The following PXDNL variants were observed in gnomAD, a reference collection of about 807,000 sequenced individuals.
PXDNL encodes the protein probable oxidoreductase PXDNL.
Under a neutral mutation model 150.8 loss-of-function variants are expected in PXDNL, and 145 were observed. The ratio of observed to expected loss-of-function variants is 0.96; its 90% CI spans 0.84 to 1.10. PXDNL has a LOEUF of 1.10. Ranked by LOEUF, PXDNL falls within the 50% of genes least tolerant of loss-of-function variation. The pLI, the probability that PXDNL is intolerant of heterozygous loss-of-function variation, is 0.00. For missense variants in PXDNL, 2,087 were observed against 1,873.9 expected, an observed-to-expected ratio of 1.11 and a Z score of -2.10; for synonymous variants, 757 against 725.7, an observed-to-expected ratio of 1.04 and a Z score of -0.69.
intron 1 of PXDNL, among the ~76,000 whole-genome samples, chr8:51,659,914 G>A (rs1360797468): frequency 6.6e-6 from 1 of 150,738 alleles, no homozygotes; most frequent in East Asian, 1.9e-4. Context: ...TTTTGAGAAG[G>A]AGTCTTGCTC....
chr8:51,730,386 A>G (rs1242158865), intron 1 of PXDNL, among the ~76,000 whole-genome samples: 1 of 152,222 alleles, frequency 6.6e-6, no homozygotes, highest in Non-Finnish European at 1.5e-5. Context: ...TCATTCTATG[A>G]ATATATCATT....
rs146570771 is a variant in PXDNL at position 51,402,568 on chromosome 8, T to C, written c.3557+5499A>G. Among the ~76,000 whole-genome samples the C allele has an allele frequency of 9.2e-3, 1,394 of 152,248 alleles. 20 individuals carry two copies. The highest frequency in any genetic ancestry group is 0.032 in the African/African-American group (1,323 of 41,530). On this transcript the variant is annotated intron_variant, in intron 17 of 22. Transcript: ENST00000356297. ...AGGCAGTTACACATCCCTGTGATTATGAGTGACAAATAAACTTATACTTAC... is the reference window on the plus strand; with the variant it reads ...AGGCAGTTACACATCCCTGTGATTACGAGTGACAAATAAACTTATACTTAC...
intron 5 of PXDNL, among the ~76,000 whole-genome samples, chr8:51,492,852 G>A (rs902018476): frequency 1.3e-5 from 2 of 152,162 alleles, no homozygotes; most frequent in Middle Eastern, 3.2e-3. Context: ...CTCCACCTCT[G>A]GGGGCAGGGC....
At chr8:51,650,101 CA>C (rs11451376) in intron 2 of PXDNL, among the ~76,000 whole-genome samples, 65 of 113,324 alleles carry the variant, frequency 5.7e-4, no homozygotes, top group Middle Eastern at 4.6e-3. Flanking sequence ...GACTTTGTCT[CA>C]AAAAAAAAAA....
chr8:51,489,202 A>C (rs183449395), intron 5 of PXDNL, among the ~76,000 whole-genome samples: 57 of 152,372 alleles, frequency 3.7e-4, no homozygotes, highest in Non-Finnish European at 1.9e-4. Flanking sequence ...ATAGTCAAAT[A>C]AATAATTAAA....
chr8:51,689,888 A>G (rs1450259337), intron 1 of PXDNL, among the ~76,000 whole-genome samples: 1 of 152,248 alleles, frequency 6.6e-6, no homozygotes, highest in Non-Finnish European at 1.5e-5. Flanking sequence ...AGCCTTCGGC[A>G]CAGGTTCACT....
chr8:51,808,498 T>C (rs566038412), intron 1 of PXDNL, among the ~76,000 whole-genome samples: 1 of 152,332 alleles, frequency 6.6e-6, no homozygotes, highest in Admixed American at 6.5e-5. Context: ...TTGGGTTTAT[T>C]ATCTGAATAT....
At chr8:51,539,427 GT>G (rs1201586320) in intron 4 of PXDNL, among the ~76,000 whole-genome samples, 4 of 151,980 alleles carry the variant, frequency 2.6e-5, no homozygotes, top group Non-Finnish European at 1.5e-5. Flanking sequence ...TATGTTGAAG[GT>G]TTTTCTTATG....
chr8:51,758,647 G>A (rs1372978103), intron 1 of PXDNL, among the ~76,000 whole-genome samples: 1 of 152,138 alleles, frequency 6.6e-6, no homozygotes, highest in East Asian at 1.9e-4. Flanking sequence ...ATAAACGTTT[G>A]GTAGTTCCTC....
At chr8:51,526,734 G>A (rs1035936484) in intron 4 of PXDNL, among the ~76,000 whole-genome samples, 1 of 152,192 alleles carries the variant, frequency 6.6e-6, no homozygotes, top group African/African-American at 2.4e-5. Flanking sequence ...TAAAGATGCT[G>A]TTGCTAATAA....
chr8:51,644,368 GTA>G (rs1271016805), intron 2 of PXDNL, among the ~76,000 whole-genome samples: 1 of 49,828 alleles, frequency 2.0e-5, no homozygotes, highest in Non-Finnish European at 4.7e-5. Context: ...ACACACATAT[GTA>G]TATATATACA....
At chr8:51,508,056 A>T (rs1228020722) in intron 4 of PXDNL, among the ~76,000 whole-genome samples, 1 of 152,194 alleles carries the variant, frequency 6.6e-6, no homozygotes, top group Non-Finnish European at 1.5e-5. Context: ...AAGGGGAAAG[A>T]ATTAATAGAA....
intron 1 of PXDNL, chr8:51,721,617 A>C: frequency 2.9e-6 from 1 of 350,388 alleles, no homozygotes; most frequent in Non-Finnish European, 5.5e-6. Flanking sequence ...CATGTACCCT[A>C]AAACTTAAAG....
intron 21 of PXDNL, among the ~76,000 whole-genome samples, chr8:51,335,642 G>A (rs1805810500): frequency 6.6e-6 from 1 of 150,582 alleles, no homozygotes; most frequent in Non-Finnish European, 1.5e-5. Context: ...AATTAAAAGT[G>A]TAAATTCTTA....
intron 1 of PXDNL, among the ~76,000 whole-genome samples, chr8:51,660,200 G>A (rs1433392975): frequency 9.0e-6 from 1 of 110,680 alleles, no homozygotes. Flanking sequence ...CACAATTTAA[G>A]ATATTAAATA....
intron 4 of PXDNL, among the ~76,000 whole-genome samples, chr8:51,515,164 C>A (rs546200431): frequency 8.5e-4 from 129 of 152,240 alleles, no homozygotes; most frequent in Middle Eastern, 6.8e-3. Flanking sequence ...GGGAAGGGGG[C>A]AAGGACAGTG....
intron 1 of PXDNL, among the ~76,000 whole-genome samples, chr8:51,728,219 C>T (rs533698027): frequency 6.6e-6 from 1 of 152,266 alleles, no homozygotes; most frequent in Admixed American, 6.5e-5. Context: ...ACTGTGCTGC[C>T]AGTGTTATAA....
rs746803519 is a variant in PXDNL at position 51,408,993 on chromosome 8, C to A, written c.2631G>T (p.Thr877=). Residue 877 remains threonine (T), a synonymous_variant, in exon 17 of 23, where the codon ACG becomes ACT. Transcript: ENST00000356297. ...PACASGRPSA[T]VDSVYAREQI... Reference sequence around the variant, plus strand: ...GCTCTCGTGCATAGACTGAATCCACCGTCGCAGAGGGACGGCCGCTGGCAC... The same window carrying A: ...GCTCTCGTGCATAGACTGAATCCACAGTCGCAGAGGGACGGCCGCTGGCAC... The A allele has an allele frequency of 1.2e-6, 2 of 1,611,654 alleles. No individual in the cohort carries two copies. The highest frequency in any genetic ancestry group is 1.7e-6 in the Non-Finnish European group (2 of 1,179,858).
At chr8:51,388,414 A>G (rs1392482946) in intron 17 of PXDNL, among the ~76,000 whole-genome samples, 1 of 152,042 alleles carries the variant, frequency 6.6e-6, no homozygotes, top group African/African-American at 2.4e-5. Context: ...TTCCAACTTG[A>G]GTTAGACACT....
Sources: allele counts gnomAD v4.1 joint callset (sites outside exome capture counted in the v4.1 genomes callset), GRCh38; gene constraint gnomAD v4.1.1; transcripts MANE v1.5; gene names NCBI Gene and HGNC (gene_info 2026-07-23, HGNC 2026-07-21).